Variants in TXNRD1 observed in about 807,000 individuals in gnomAD.
TXNRD1 encodes the protein thioredoxin reductase 1, cytoplasmic.
TXNRD1 carries 57 observed loss-of-function variants against 80.3 expected under a neutral mutation model. The ratio of observed to expected loss-of-function variants is 0.71; its 90% CI spans 0.57 to 0.89. The LOEUF is 0.89. Ranked by LOEUF, TXNRD1 falls within the 40% of genes least tolerant of loss-of-function variation. The pLI is 0.00. For synonymous variants in TXNRD1, 291 were observed against 285.2 expected, an observed-to-expected ratio of 1.02 and a Z score of -0.20; for missense variants, 730 against 803.0, an observed-to-expected ratio of 0.91 and a Z score of 1.10.
At position 104,282,412 on chromosome 12, in the gene TXNRD1, T is replaced by A. The variant is rs1192898820; in HGVS notation, c.305-6519T>A. Among the ~76,000 whole-genome samples, 19 of 152,216 alleles carry A rather than the reference T, an allele frequency of 1.2e-4. 1 individual carries two copies. Among genetic ancestry groups the A allele is most frequent in the Admixed American group, 1.2e-3 (19 of 15,280 alleles). ...CCCTTGGCTCTGATTTAATTGGGAA[T>A]GACAAGAATGACCCAATTTTATGAT... On this transcript the variant is annotated intron_variant, in intron 3 of 16. Transcript: ENST00000525566.
At chr12:104,232,395 T>G (rs1477881618) in intron 1 of TXNRD1, among the ~76,000 whole-genome samples, 1 of 152,078 alleles carries the variant, frequency 6.6e-6, no homozygotes, top group East Asian at 1.9e-4. Context: ...ACCCCTCATC[T>G]CTACTAAAAA....
chr12:104,288,407 C>T (rs899296899), intron 3 of TXNRD1, among the ~76,000 whole-genome samples: 3 of 152,164 alleles, frequency 2.0e-5, no homozygotes, highest in African/African-American at 7.2e-5. Context: ...TGTATTGCTT[C>T]AGGATTCTTT....
chr12:104,292,388 C>T (rs976432859), intron 4 of TXNRD1, among the ~76,000 whole-genome samples: 1 of 128,864 alleles, frequency 7.8e-6, no homozygotes, highest in Non-Finnish European at 1.7e-5. Flanking sequence ...TACCCCCGCC[C>T]CCCCGCCTTT....
intron 3 of TXNRD1, among the ~76,000 whole-genome samples, chr12:104,279,846 C>T (rs781769644): frequency 2.6e-5 from 4 of 151,952 alleles, no homozygotes; most frequent in African/African-American, 7.3e-5. Context: ...GGGTGGATCA[C>T]GAAGTCAGGA....
chr12:104,260,296 C>T (rs556413289), intron 3 of TXNRD1, among the ~76,000 whole-genome samples: 7 of 151,984 alleles, frequency 4.6e-5, no homozygotes, highest in East Asian at 1.9e-4. Context: ...GGAGAAACCC[C>T]GTCTGTACTA....
At chr12:104,228,187 A>C (rs1332844922) in intron 1 of TXNRD1, among the ~76,000 whole-genome samples, 1 of 151,720 alleles carries the variant, frequency 6.6e-6, no homozygotes, top group Non-Finnish European at 1.5e-5. Flanking sequence ...CTGTAATCCC[A>C]GCTACTCGGG....
intron 6 of TXNRD1, among the ~76,000 whole-genome samples, chr12:104,314,160 G>T (rs562822827): frequency 2.0e-5 from 3 of 152,166 alleles, no homozygotes; most frequent in African/African-American, 7.2e-5. Flanking sequence ...AGGAAGGCAG[G>T]TGTCACTATT....
chr12:104,244,414 AG>A (rs1367825467), intron 1 of TXNRD1, among the ~76,000 whole-genome samples: 4 of 152,250 alleles, frequency 2.6e-5, no homozygotes, highest in Non-Finnish European at 5.9e-5. Flanking sequence ...AGTCAGAGAC[AG>A]GAACAAATGC....
intron 4 of TXNRD1, among the ~76,000 whole-genome samples, chr12:104,306,278 A>G (rs1265593392): frequency 6.6e-6 from 1 of 152,174 alleles, no homozygotes; most frequent in Non-Finnish European, 1.5e-5. Context: ...GATGTTCTTC[A>G]CTTAGTGTAA....
chr12:104,219,602 A>G (rs11832165), intron 1 of TXNRD1, among the ~76,000 whole-genome samples: 2,478 of 152,298 alleles, frequency 0.016, 42 homozygotes, highest in South Asian at 0.072. Flanking sequence ...GGCACTTAGC[A>G]TTTAGTATTT....
At chr12:104,249,935 CAAA>C (rs59924751) in intron 1 of TXNRD1, among the ~76,000 whole-genome samples, 8 of 102,498 alleles carry the variant, frequency 7.8e-5, no homozygotes, top group African/African-American at 3.0e-4. Flanking sequence ...GACGCCGTCT[CAAA>C]AAAAAAAAAA....
chr12:104,290,664 A>G (rs969199232), intron 4 of TXNRD1, among the ~76,000 whole-genome samples: 1 of 139,996 alleles, frequency 7.1e-6, no homozygotes, highest in East Asian at 2.1e-4. Flanking sequence ...GCGCCACTGC[A>G]CCCTGGCCTA....
At position 104,279,772 on chromosome 12, in the gene TXNRD1, C is replaced by A. The variant is rs1259361415; in HGVS notation, c.305-9159C>A. 3.9e-5 allele frequency among the ~76,000 whole-genome samples: 6 copies of A among 152,016 alleles called. No homozygotes were observed. The South Asian group carries it at 1.0e-3, about 26-fold the overall frequency. On this transcript the variant is annotated intron_variant, in intron 3 of 16. Coordinates refer to ENST00000525566, the MANE Select transcript of TXNRD1 (RefSeq NM_001093771.3). ...TTCCTTCTTAGACAAACCAAAAAAA[C>A]CAAAAAGTCTGGCCAGGCACGGTGG...
chr12:104,280,528 A>G (rs1040161595), intron 3 of TXNRD1: 37 of 152,296 alleles, frequency 2.4e-4, no homozygotes, highest in African/African-American at 8.7e-4. Flanking sequence ...CCATGGAGTG[A>G]CAGTTAATTT....
At chr12:104,256,971 C>CTTTTTTTTTTTTT (rs1437158062) in intron 2 of TXNRD1, among the ~76,000 whole-genome samples, 1 of 89,906 alleles carries the variant, frequency 1.1e-5, no homozygotes, top group African/African-American at 4.2e-5. Context: ...AATATATTTT[C>CTTTTTTTTTTTTT]TTTTCTTTTT....
At chr12:104,248,846 G>A (rs1454652073) in intron 1 of TXNRD1, among the ~76,000 whole-genome samples, 1 of 151,340 alleles carries the variant, frequency 6.6e-6, no homozygotes, top group Non-Finnish European at 1.5e-5. Flanking sequence ...CTTTTTTTGA[G>A]ATAGTCTCTC....
At chr12:104,245,977 G>C (rs1240128968) in intron 1 of TXNRD1, among the ~76,000 whole-genome samples, 1 of 151,626 alleles carries the variant, frequency 6.6e-6, no homozygotes, top group African/African-American at 2.4e-5. Context: ...GCCAGGCGTG[G>C]TGGCGGGCTC....
chr12:104,274,698 CA>C (rs1225118527), intron 3 of TXNRD1, among the ~76,000 whole-genome samples: 159 of 135,348 alleles, frequency 1.2e-3, no homozygotes, highest in East Asian at 1.8e-3. Flanking sequence ...GACTCCATCT[CA>C]AAAAAAAAAA....
chr12:104,289,103 A>T, intron 4 of TXNRD1, 63 bp downstream of exon 4: 2 of 1,556,108 alleles, frequency 1.3e-6, no homozygotes, highest in East Asian at 2.3e-5. Context: ...GCGTGGTCAC[A>T]GCCTGCCTTT....
Sources: allele counts gnomAD v4.1 joint callset (sites outside exome capture counted in the v4.1 genomes callset), GRCh38; gene constraint gnomAD v4.1.1; transcripts MANE v1.5; gene names NCBI Gene and HGNC (gene_info 2026-07-23, HGNC 2026-07-21).